Variants in KIAA1210 observed in about 807,000 individuals in gnomAD.
KIAA1210 encodes KIAA1210, also known as acrosomal protein KIAA1210.
KIAA1210 carries 48 observed loss-of-function variants against 78.9 expected under a neutral mutation model. That is an observed-to-expected ratio of 0.61 (90% CI 0.48 to 0.77). KIAA1210 has a LOEUF of 0.77. Among genes scored for constraint, KIAA1210 ranks in the 30% least tolerant of loss-of-function variants. The pLI is 0.00. For synonymous variants in KIAA1210, 406 were observed against 404.5 expected, an observed-to-expected ratio of 1.00 and a Z score of -0.04; for missense variants, 1,108 against 1,100.0, an observed-to-expected ratio of 1.01 and a Z score of -0.10.
chrX:119,120,278 T>C (rs1928415749), intron 2 of KIAA1210, among the ~76,000 whole-genome samples: 1 of 112,326 alleles, frequency 8.9e-6, no homozygotes, highest in African/African-American at 3.2e-5. Context: ...GGAACAACTT[T>C]ATGCTCAGAA....
chrX:119,103,978 G>A (rs1057239867), intron 6 of KIAA1210, among the ~76,000 whole-genome samples: 12 of 111,942 alleles, frequency 1.1e-4, no homozygotes, highest in Non-Finnish European at 1.7e-4. Context: ...TAATAGGAAC[G>A]GGGTTTCCAT....
At chrX:119,136,567 C>T (rs1439532305) in intron 2 of KIAA1210, among the ~76,000 whole-genome samples, 1 of 111,742 alleles carries the variant, frequency 8.9e-6, no homozygotes, top group African/African-American at 3.3e-5. Flanking sequence ...TGGCTCATGC[C>T]TGCAATCCCA....
intron 3 of KIAA1210, among the ~76,000 whole-genome samples, chrX:119,110,167 A>G (rs930201888): frequency 2.2e-4 from 25 of 112,359 alleles, no homozygotes; most frequent in African/African-American, 8.1e-4. Flanking sequence ...AGAATTGTAT[A>G]CCATGACAAA....
chrX:119,132,513 C>T (rs940396416), upstream of KIAA1210, among the ~76,000 whole-genome samples: 1 of 111,631 alleles, frequency 9.0e-6, no homozygotes, highest in African/African-American at 3.3e-5. Flanking sequence ...CTCTCTCAAG[C>T]AAATTGTCAG....
intron 7 of KIAA1210, among the ~76,000 whole-genome samples, chrX:119,094,889 CCTT>C (rs1343084935): frequency 1.8e-5 from 2 of 111,568 alleles, no homozygotes; most frequent in Non-Finnish European, 3.8e-5. Context: ...CCTCAGCCAA[CCTT>C]CTCCATCTCC....
upstream of KIAA1210, among the ~76,000 whole-genome samples, chrX:119,131,399 A>G (rs867577089): frequency 2.2e-4 from 24 of 111,547 alleles, no homozygotes; most frequent in African/African-American, 6.9e-4. Context: ...GGGGACTACT[A>G]GAGGGGAGAG....
At chrX:119,117,040 G>T (rs1049151795) in intron 2 of KIAA1210, among the ~76,000 whole-genome samples, 3 of 112,338 alleles carry the variant, frequency 2.7e-5, no homozygotes, top group Non-Finnish European at 5.6e-5. Context: ...GGCAATGAAA[G>T]CACTTAGTAC....
Position 119,087,736 on chromosome X carries a change from G to C in KIAA1210, c.2966C>G (p.Ser989Cys), listed in dbSNP as rs756372902. 1.2e-5 allele frequency: 14 copies of C among 1,211,583 alleles called. No individual in the cohort carries two copies. Among genetic ancestry groups the C allele is most frequent in the African/African-American group, 1.7e-5 (1 of 57,791 alleles). The change falls in exon 9 of 12, where the codon TCT becomes TGT. Residue 989 changes from serine (S) to cysteine (C), a missense_variant. Transcript: ENST00000691062. Reference protein sequence around the residue: ...PQYATQFLKRSKVQEMTSRLE... With the variant: ...PQYATQFLKRCKVQEMTSRLE... Reference sequence around the variant, plus strand: ...TCGTGAGGTCATTTCCTGAACTTTAGACCTCTTTAAGAACTGGGTAGCATA... The same window carrying C: ...TCGTGAGGTCATTTCCTGAACTTTACACCTCTTTAAGAACTGGGTAGCATA...
intron 3 of KIAA1210, among the ~76,000 whole-genome samples, chrX:119,111,225 C>G (rs1460536560): frequency 8.9e-6 from 1 of 111,760 alleles, no homozygotes; most frequent in African/African-American, 3.3e-5. Context: ...GCTGGAGCAA[C>G]TGGGTATCCA....
At chrX:119,127,570 A>G (rs1240605591) in intron 1 of KIAA1210, among the ~76,000 whole-genome samples, 157 bp downstream of exon 1, 7 of 111,098 alleles carry the variant, frequency 6.3e-5, no homozygotes, top group Admixed American at 4.8e-4. Context: ...CCATCAACCA[A>G]TCCAGCTGGA....
At chrX:119,109,567 A>G (rs1412830507) in intron 3 of KIAA1210, among the ~76,000 whole-genome samples, 1 of 112,032 alleles carries the variant, frequency 8.9e-6, no homozygotes, top group Non-Finnish European at 1.9e-5. Flanking sequence ...TCCTTTTTAC[A>G]TAACAGTCTT....
chrX:119,122,128 C>T (rs1377078959), intron 2 of KIAA1210, among the ~76,000 whole-genome samples: 2 of 95,906 alleles, frequency 2.1e-5, no homozygotes, highest in Non-Finnish European at 4.1e-5. Flanking sequence ...TACAGTGGCG[C>T]GATCTCAGCT....
At chrX:119,145,050 G>A (rs997435784) in intron 2 of KIAA1210, among the ~76,000 whole-genome samples, 1 of 111,783 alleles carries the variant, frequency 8.9e-6, no homozygotes, top group African/African-American at 3.3e-5. Context: ...CTTCAGTTAT[G>A]CTAGCCACCC....
intron 4 of KIAA1210, 132 bp from the exon 5 acceptor site, chrX:119,108,603 G>A (rs1368356083): frequency 1.1e-5 from 9 of 797,094 alleles, no homozygotes; most frequent in African/African-American, 2.1e-5. Flanking sequence ...GGTGGCTCGC[G>A]CATGTAATCC....
Position 119,087,410 on chromosome X carries a change from C to T in KIAA1210, c.3292G>A (p.Val1098Ile). The T allele has an allele frequency of 3.3e-6, 4 of 1,211,262 alleles. No homozygotes were observed. Among genetic ancestry groups the T allele is most frequent in the Non-Finnish European group, 4.5e-6 (4 of 895,277 alleles). Residue 1098 changes from valine (V) to isoleucine (I), a missense_variant, in exon 9 of 12, where the codon GTT becomes ATT. By Grantham distance (29) the Val-to-Ile change is conservative. Transcript: ENST00000691062. Reference sequence around the variant, plus strand: ...GGAGCTCTCTCTGAATAAGAGAAAACTTTCTGTGGGTCTTCAGGCCTCCCC... The same window carrying T: ...GGAGCTCTCTCTGAATAAGAGAAAATTTTCTGTGGGTCTTCAGGCCTCCCC... ...SLGRPEDPQKVFSYSERAPGK... is the reference protein window; with the variant it reads ...SLGRPEDPQKIFSYSERAPGK...
chrX:119,087,669 C>T lies in KIAA1210; in HGVS notation c.3033G>A (p.Pro1011=), dbSNP rs752172262. 51 of 1,209,667 alleles carry T rather than the reference C, an allele frequency of 4.2e-5. No individual in the cohort carries two copies. The Admixed American group carries it at 6.6e-4, about 16-fold the overall frequency. ...MAVEGTSNKS[P]IPRRPTQSFV... Reference sequence around the variant, plus strand: ...ATGACTGGGTCGGACGCCTGGGAATCGGTGATTTGTTAGAAGTGCCTTCAA... The same window carrying T: ...ATGACTGGGTCGGACGCCTGGGAATTGGTGATTTGTTAGAAGTGCCTTCAA... Residue 1011 remains proline (P), a synonymous_variant, in exon 9 of 12, where the codon CCG becomes CCA. Coordinates refer to ENST00000691062, the MANE Select transcript of KIAA1210 (RefSeq NM_001394962.1).
rs752642632 is a variant in KIAA1210 at position 119,108,353 on chromosome X, C to T, written c.476G>A (p.Gly159Asp). ...NVPTSAVWVA[G>D]PKITENPPSR... Reference sequence around the variant, plus strand: ...CTTTGTTACCTCAGTGATCTTGGGGCCAGCAACCCAGACTGCACTTGTAGG... The same window carrying T: ...CTTTGTTACCTCAGTGATCTTGGGGTCAGCAACCCAGACTGCACTTGTAGG... Residue 159 changes from glycine (G) to aspartate (D), a missense_variant, in exon 5 of 12, where the codon GGC becomes GAC. Physicochemically the swap from Gly to Asp is moderately conservative, Grantham distance 94. This residue lies in a region of KIAA1210 where 672 missense variants were observed against 607.1 expected (regional missense o/e 1.11). Coordinates refer to ENST00000691062, the MANE Select transcript of KIAA1210 (RefSeq NM_001394962.1). The T allele has an allele frequency of 2.5e-6, 3 of 1,209,144 alleles. No individual in the cohort carries two copies. The highest frequency in any genetic ancestry group is 3.4e-6 in the Non-Finnish European group (3 of 894,389).
intron 2 of KIAA1210, chrX:119,147,416 C>T (rs769945499): frequency 8.4e-7 from 1 of 1,189,947 alleles, no homozygotes; most frequent in East Asian, 3.0e-5. Flanking sequence ...ACATAATTTA[C>T]AATAGTAATT....
chrX:119,093,827 C>T, intron 7 of KIAA1210, 52 bp from the exon 8 acceptor site: 6 of 1,041,573 alleles, frequency 5.8e-6, no homozygotes, highest in South Asian at 2.1e-5. Context: ...TTTCCAACCA[C>T]GCCTGCATGG....
Sources: gnomAD v4.1 joint callset for allele counts (sites outside exome capture counted in the v4.1 genomes callset) on GRCh38, gnomAD v4.1.1 for gene constraint, gnomAD v4.1.1 regional missense constraint, MANE v1.5 for transcripts, NCBI Gene and HGNC (gene_info 2026-07-23, HGNC 2026-07-21) for gene names.